UBE2R2: variants seen among roughly 807,000 people sequenced by gnomAD.
The protein encoded by UBE2R2 is ubiquitin-conjugating enzyme E2 R2.
Under a neutral mutation model 27.8 loss-of-function variants are expected in UBE2R2, and 1 was observed. The observed-to-expected ratio is 0.04, with a 90% CI of 0.01 to 0.17. UBE2R2 has a LOEUF of 0.17. Ranked by LOEUF, UBE2R2 falls within the 10% of genes least tolerant of loss-of-function variation. UBE2R2 has a pLI of 1.00. For missense variants in UBE2R2, 100 were observed against 291.0 expected (o/e 0.34, Z 4.78); for synonymous variants, 106 against 113.3 (o/e 0.94, Z 0.41).
At chr9:33,867,332 A>G (rs982018613) in intron 1 of UBE2R2, among the ~76,000 whole-genome samples, 24 of 152,246 alleles carry the variant, frequency 1.6e-4, no homozygotes, top group African/African-American at 5.3e-4. Flanking sequence ...CACTTCATCC[A>G]TTCTCCTATT....
rs770201278 is a variant in UBE2R2 at position 33,887,003 on chromosome 9, T to A, written c.264+36T>A. ...ATCCATCATAAATTTCTCTGAAGAT[T>A]TTTTTTTTTAAATCAGTACTTTAAA... On this transcript the variant is annotated intron_variant, in intron 2 of 4. Coordinates refer to ENST00000263228, the MANE Select transcript of UBE2R2 (RefSeq NM_017811.4). 17 of 1,531,824 alleles carry A rather than the reference T, an allele frequency of 1.1e-5. No individual in the cohort carries two copies. The South Asian group carries it at 2.0e-4, about 18-fold the overall frequency. The allele number at this position is 1,531,824 out of a possible 1,614,324, so 94.9% of individuals were successfully genotyped here.
intron 1 of UBE2R2, among the ~76,000 whole-genome samples, chr9:33,867,522 A>C (rs1332861250): frequency 6.6e-6 from 1 of 152,182 alleles, no homozygotes; most frequent in Non-Finnish European, 1.5e-5. Context: ...CCTGTTCTGC[A>C]TTCCTATAAG....
intron 4 of UBE2R2, among the ~76,000 whole-genome samples, chr9:33,915,881 T>C (rs1358486349): frequency 6.6e-6 from 1 of 152,022 alleles, no homozygotes; most frequent in Admixed American, 6.6e-5. Context: ...TCTAAGGTGA[T>C]ATTTAAGCCT....
intron 1 of UBE2R2, among the ~76,000 whole-genome samples, chr9:33,885,536 A>G (rs950632959): frequency 4.6e-5 from 7 of 152,226 alleles, no homozygotes; most frequent in Non-Finnish European, 7.3e-5. Flanking sequence ...CTTAATGACA[A>G]TTCTCTGGGA....
At chr9:33,826,899 G>C (rs1278302127) in intron 1 of UBE2R2, among the ~76,000 whole-genome samples, 1 of 152,010 alleles carries the variant, frequency 6.6e-6, no homozygotes, top group African/African-American at 2.4e-5. Flanking sequence ...CCTGGACAGC[G>C]TGGTGAAACC....
chr9:33,880,752 C>G (rs1323251104), intron 1 of UBE2R2, among the ~76,000 whole-genome samples: 1 of 152,172 alleles, frequency 6.6e-6, no homozygotes, highest in African/African-American at 2.4e-5. Flanking sequence ...AGCCTCCAGT[C>G]AGATCAGCTC....
rs916465854 is a variant in UBE2R2 at position 33,918,231 on chromosome 9, GTTTTGT to G, written c.*1005_*1010del. 10 of 151,992 alleles carry G rather than the reference GTTTTGT, an allele frequency of 6.6e-5. No individual in the cohort carries two copies. The highest frequency in any genetic ancestry group is 2.4e-4 in the African/African-American group (10 of 41,364). The allele number at this position is 151,992 out of a possible 1,614,324, so 9.4% of individuals were successfully genotyped here. A position where few individuals can be genotyped will look rare whatever the true frequency, so the allele number is the denominator to read the frequency against. ...ATCAAAAATACACTCGTACCATGAC[GTTTTGT>G]TTTTGTTTTTTAAGTAGCCACTTTT... On this transcript the variant is annotated 3_prime_UTR_variant, in exon 5 of 5. Transcript: ENST00000263228.
chr9:33,882,022 A>G (rs1326969516), intron 1 of UBE2R2, among the ~76,000 whole-genome samples: 1 of 151,980 alleles, frequency 6.6e-6, no homozygotes, highest in Non-Finnish European at 1.5e-5. Flanking sequence ...ATCAGTATGT[A>G]CTCATTTATA....
chr9:33,891,047 G>GTTTTTTTGTTTTTTTTTTTTTTTTTT (rs142957598), intron 2 of UBE2R2, among the ~76,000 whole-genome samples: 1 of 126,374 alleles, frequency 7.9e-6, no homozygotes, highest in Non-Finnish European at 1.7e-5. Context: ...TTGTTGTTGT[G>GTTTTTTTGTTTTTTTTTTTTTTTTTT]TTTTTTTGTT....
At chr9:33,849,361 A>G (rs989915250) in intron 1 of UBE2R2, among the ~76,000 whole-genome samples, 1 of 152,184 alleles carries the variant, frequency 6.6e-6, no homozygotes, top group Non-Finnish European at 1.5e-5. Context: ...GTAGGTGTGT[A>G]TATACACAAA....
At chr9:33,872,914 C>T (rs980403579) in intron 1 of UBE2R2, among the ~76,000 whole-genome samples, 4 of 152,074 alleles carry the variant, frequency 2.6e-5, no homozygotes, top group Admixed American at 2.6e-4. Flanking sequence ...GTGGCTCTCA[C>T]CTGTAATCCC....
chr9:33,878,477 G>A (rs553262142), intron 1 of UBE2R2, among the ~76,000 whole-genome samples: 2 of 152,212 alleles, frequency 1.3e-5, no homozygotes, highest in South Asian at 2.1e-4. Context: ...AATTAGCCAG[G>A]CCTGGTGGTG....
intron 2 of UBE2R2, among the ~76,000 whole-genome samples, chr9:33,897,566 C>T (rs1822143389): frequency 6.6e-6 from 1 of 151,808 alleles, no homozygotes; most frequent in African/African-American, 2.4e-5. Context: ...GATCTGCCTG[C>T]CTCGGCCTCC....
At chr9:33,815,562 T>C (rs528133596), upstream of UBE2R2, among the ~76,000 whole-genome samples, 5 of 152,092 alleles carry the variant, frequency 3.3e-5, no homozygotes, top group African/African-American at 1.2e-4. Flanking sequence ...CTCGCCAACA[T>C]GGTGAAATCC....
chr9:33,915,554 C>A (rs1262974566), intron 4 of UBE2R2, among the ~76,000 whole-genome samples: 1 of 152,142 alleles, frequency 6.6e-6, no homozygotes, highest in African/African-American at 2.4e-5. Context: ...AAGCTTCAAG[C>A]ACAACTAAGA....
chr9:33,883,272 C>T (rs1241921469), intron 1 of UBE2R2, among the ~76,000 whole-genome samples: 1 of 152,132 alleles, frequency 6.6e-6, no homozygotes, highest in African/African-American at 2.4e-5. Context: ...TCATTGTTGA[C>T]ACTGTCTACC....
intron 3 of UBE2R2, among the ~76,000 whole-genome samples, chr9:33,908,066 C>T (rs1008128385): frequency 6.6e-6 from 1 of 152,198 alleles, no homozygotes; most frequent in African/African-American, 2.4e-5. Flanking sequence ...CTCAGGTGAT[C>T]CGCCTGCCTC....
intron 1 of UBE2R2, among the ~76,000 whole-genome samples, chr9:33,836,149 T>C (rs1428492223): frequency 1.3e-5 from 2 of 151,822 alleles, no homozygotes; most frequent in African/African-American, 2.4e-5. Context: ...ACTAAAAATA[T>C]AGAAAAATTA....
intron 1 of UBE2R2, among the ~76,000 whole-genome samples, chr9:33,819,255 TAAC>T (rs1825917232): frequency 1.3e-5 from 2 of 152,200 alleles, no homozygotes; most frequent in African/African-American, 4.8e-5. Flanking sequence ...CCCAATTACT[TAAC>T]TCTTGTTTTC....
Sources: gnomAD v4.1 joint callset for allele counts (sites outside exome capture counted in the v4.1 genomes callset) on GRCh38, gnomAD v4.1.1 for gene constraint, MANE v1.5 for transcripts, NCBI Gene and HGNC (gene_info 2026-07-23, HGNC 2026-07-21) for gene names.